AOPEP: variants seen among roughly 807,000 people sequenced by gnomAD.
AOPEP encodes aminopeptidase O.
In AOPEP, 77 loss-of-function variants were observed where a neutral mutation model predicts 98.1. That is an observed-to-expected ratio of 0.78 (90% CI 0.65 to 0.95). The LOEUF is 0.95. Ranked by LOEUF, AOPEP falls within the 40% of genes least tolerant of loss-of-function variation. AOPEP has a pLI of 0.00. For synonymous variants in AOPEP, 346 were observed against 365.3 expected (o/e 0.95, Z 0.60); for missense variants, 1,024 against 1,024.7 (o/e 1.00, Z 0.01).
intron 13 of AOPEP, among the ~76,000 whole-genome samples, chr9:95,015,351 G>C (rs551692736): frequency 1.3e-4 from 20 of 152,296 alleles, no homozygotes; most frequent in African/African-American, 4.8e-4. Flanking sequence ...TAGAAGTCCT[G>C]CTGACACCTG....
At chr9:95,031,942 C>T (rs561721442) in intron 13 of AOPEP, among the ~76,000 whole-genome samples, 17 of 152,300 alleles carry the variant, frequency 1.1e-4, no homozygotes, top group Admixed American at 3.9e-4. Flanking sequence ...TGTGTTTCTG[C>T]TAAAGACAGC....
chr9:95,146,487 CAAAAAAAA>C, the AOPEP span, among the ~76,000 whole-genome samples: 8 of 45,572 alleles, frequency 1.8e-4, no homozygotes, highest in South Asian at 4.6e-3. Context: ...GACCCCATCT[CAAAAAAAA>C]AAAAAAAAAA....
chr9:95,101,564 T>C, the AOPEP span: 50 of 979,846 alleles, frequency 5.1e-5, no homozygotes, highest in Middle Eastern at 3.1e-3. Context: ...TACTAGCAGA[T>C]TGTCCCAAGA....
At chr9:95,035,219 G>A (rs2061800) in intron 13 of AOPEP, among the ~76,000 whole-genome samples, 116,076 of 151,234 alleles carry the variant, frequency 0.77, 46,656 homozygotes, top group Non-Finnish European at 0.89. Flanking sequence ...AACATGCGGT[G>A]TTTGGTTGAA....
At chr9:95,107,358 C>T in the AOPEP span, 1 of 1,428,832 alleles carries the variant, frequency 7.0e-7, no homozygotes, top group South Asian at 1.2e-5. Context: ...GAAACAACCC[C>T]CAGAAACGGG....
intron 13 of AOPEP, among the ~76,000 whole-genome samples, chr9:95,011,182 C>T (rs1237575021): frequency 1.4e-5 from 2 of 147,864 alleles, no homozygotes; most frequent in Non-Finnish European, 3.0e-5. Context: ...TATAGATTTA[C>T]TTATTTTTCC....
intron 1 of AOPEP, among the ~76,000 whole-genome samples, chr9:94,742,692 C>G (rs1833433394): frequency 6.6e-6 from 1 of 152,118 alleles, no homozygotes; most frequent in African/African-American, 2.4e-5. Context: ...CTCGGCCTCC[C>G]AAAATGCTGG....
At chr9:94,885,005 T>G (rs2048040355) in intron 5 of AOPEP, among the ~76,000 whole-genome samples, 1 of 90,424 alleles carries the variant, frequency 1.1e-5, no homozygotes, top group Admixed American at 1.2e-4. Context: ...CGAGACTCCG[T>G]CTCAAAAAAA....
At chr9:95,099,731 G>GGC in the AOPEP span, 40 of 232,284 alleles carry the variant, frequency 1.7e-4, no homozygotes, top group Non-Finnish European at 3.3e-4. Context: ...AAGCACCACC[G>GGC]GCAAGGCCGC....
intron 3 of AOPEP, among the ~76,000 whole-genome samples, chr9:94,786,261 A>G (rs918407202): frequency 1.7e-4 from 26 of 152,222 alleles, no homozygotes; most frequent in African/African-American, 6.0e-4. Flanking sequence ...GCAAGATACT[A>G]TGATAATTCT....
the AOPEP span, among the ~76,000 whole-genome samples, chr9:95,106,734 T>C: frequency 5.3e-5 from 8 of 152,164 alleles, no homozygotes; most frequent in African/African-American, 7.2e-5. Context: ...CTTCTTTCCA[T>C]GAGGAGGAGG....
intron 14 of AOPEP, among the ~76,000 whole-genome samples, chr9:95,075,723 G>C (rs1321708315): frequency 2.0e-5 from 3 of 152,020 alleles, no homozygotes; most frequent in Non-Finnish European, 4.4e-5. Flanking sequence ...TCTGCAAAAA[G>C]TAATTAAAAA....
intron 2 of AOPEP, among the ~76,000 whole-genome samples, chr9:94,770,018 C>T (rs866836774): frequency 2.6e-5 from 4 of 152,328 alleles, no homozygotes; most frequent in Middle Eastern, 3.4e-3. Context: ...AATATCTATG[C>T]GTCCTACTTC....
intron 11 of AOPEP, among the ~76,000 whole-genome samples, chr9:95,002,069 G>A (rs779865343): frequency 7.2e-5 from 11 of 151,972 alleles, no homozygotes; most frequent in South Asian, 6.2e-4. Flanking sequence ...GTGAGCCACC[G>A]TGCACAGCCT....
chr9:94,859,011 G>C (rs1588579428), intron 5 of AOPEP, among the ~76,000 whole-genome samples: 2 of 97,060 alleles, frequency 2.1e-5, no homozygotes, highest in South Asian at 7.4e-4. Flanking sequence ...CTGGGCGACA[G>C]AGCGAGACTC....
At chr9:94,902,714 C>A (rs556510897) in intron 5 of AOPEP, among the ~76,000 whole-genome samples, 10 of 151,628 alleles carry the variant, frequency 6.6e-5, no homozygotes, top group Non-Finnish European at 4.4e-5. Context: ...CCCTGGGGCT[C>A]TGTATCTGTG....
At chr9:95,020,420 A>G (rs1171457156) in intron 13 of AOPEP, among the ~76,000 whole-genome samples, 2 of 152,128 alleles carry the variant, frequency 1.3e-5, no homozygotes, top group Non-Finnish European at 2.9e-5. Flanking sequence ...CTAGAAGTAA[A>G]CTGAGTCAGA....
At chr9:94,793,048 CA>C in intron 4 of AOPEP, 130 bp downstream of exon 4, 1 of 1,076,980 alleles carries the variant, frequency 9.3e-7, no homozygotes, top group Non-Finnish European at 1.3e-6. Context: ...TAGGATTAAT[CA>C]AAGCAGGAAA....
chr9:95,098,623 A>T, the AOPEP span, among the ~76,000 whole-genome samples: 1 of 152,112 alleles, frequency 6.6e-6, no homozygotes, highest in South Asian at 2.1e-4. Flanking sequence ...CGCATCACTC[A>T]TGCCTCCCAG....
Sources: allele counts gnomAD v4.1 joint callset (sites outside exome capture counted in the v4.1 genomes callset), GRCh38; gene constraint gnomAD v4.1.1; transcripts MANE v1.5; gene names NCBI Gene and HGNC (gene_info 2026-07-23, HGNC 2026-07-21).